Variants in NRBF2 observed in about 807,000 individuals in gnomAD.
NRBF2 encodes nuclear receptor-binding factor 2.
A neutral mutation model predicts 28.5 loss-of-function variants in NRBF2; 12 were observed. The observed-to-expected ratio is 0.42, with a 90% CI of 0.27 to 0.68. The LOEUF (loss-of-function observed/expected upper bound fraction) is 0.68. Ranked by LOEUF, NRBF2 falls within the 30% of genes least tolerant of loss-of-function variation. The probability of loss-of-function intolerance (pLI) is 0.24; values close to 1 mark genes in which losing one functional copy is unlikely to be tolerated. For missense variants in NRBF2, 274 were observed against 333.5 expected (o/e 0.82, Z 1.39); for synonymous variants, 102 against 116.5 (o/e 0.88, Z 0.80).
intron 2 of NRBF2, among the ~76,000 whole-genome samples, chr10:63,148,054 T>C (rs550891871): frequency 2.0e-5 from 3 of 152,230 alleles, no homozygotes; most frequent in Non-Finnish European, 4.4e-5. Context: ...CAATACCTTA[T>C]GTAACCCAAA....
intron 1 of NRBF2, among the ~76,000 whole-genome samples, chr10:63,139,215 G>A (rs1239205350): frequency 6.6e-6 from 1 of 152,078 alleles, no homozygotes; most frequent in African/African-American, 2.4e-5. Flanking sequence ...TCTCCACGTT[G>A]GTCTGGCTGG....
intron 3 of NRBF2, among the ~76,000 whole-genome samples, chr10:63,153,017 T>G (rs1219612122): frequency 6.6e-6 from 1 of 152,164 alleles, no homozygotes; most frequent in Non-Finnish European, 1.5e-5. Flanking sequence ...TAAAATATCT[T>G]TTTAAAAACT....
chr10:63,135,930 C>T (rs1445565092), intron 1 of NRBF2, among the ~76,000 whole-genome samples: 1 of 152,210 alleles, frequency 6.6e-6, no homozygotes, highest in African/African-American at 2.4e-5. Context: ...AGGCGTGAGC[C>T]AGCGTGCCCG....
At chr10:63,150,729 A>G (rs1320433361) in intron 2 of NRBF2, among the ~76,000 whole-genome samples, 3 of 152,254 alleles carry the variant, frequency 2.0e-5, no homozygotes, top group Non-Finnish European at 4.4e-5. Flanking sequence ...AAATAATTAT[A>G]CAACTCAACA....
chr10:63,150,413 T>G (rs1841630113), intron 2 of NRBF2: 7 of 943,130 alleles, frequency 7.4e-6, no homozygotes, highest in Non-Finnish European at 8.8e-6. Flanking sequence ...TTTCCTTTTT[T>G]TTTTTTAAAT....
At chr10:63,143,442 C>CAGCT (rs1841505579) in intron 1 of NRBF2, among the ~76,000 whole-genome samples, 1 of 152,124 alleles carries the variant, frequency 6.6e-6, no homozygotes, top group African/African-American at 2.4e-5. Flanking sequence ...AATCATTTTT[C>CAGCT]AGCTAACTGA....
At chr10:63,152,935 G>A (rs1436844684) in intron 3 of NRBF2, among the ~76,000 whole-genome samples, 2 of 152,250 alleles carry the variant, frequency 1.3e-5, no homozygotes, top group Non-Finnish European at 2.9e-5. Context: ...GTCCAAGGCT[G>A]CAGTGAGCTA....
intron 1 of NRBF2, among the ~76,000 whole-genome samples, chr10:63,142,898 A>G (rs1226729373): frequency 6.9e-6 from 1 of 144,300 alleles, no homozygotes; most frequent in Non-Finnish European, 1.5e-5. Flanking sequence ...CTTGTACCTC[A>G]GCCACCTGAG....
chr10:63,154,066 A>G lies in NRBF2; in HGVS notation c.712A>G (p.Thr238Ala). 6.2e-7 allele frequency: 1 copy of G among 1,613,598 alleles called. No individual in the cohort carries two copies. The highest frequency in any genetic ancestry group is 8.5e-7 in the Non-Finnish European group (1 of 1,179,862). The change falls in exon 4 of 4, where the codon ACA (threonine) becomes GCA (alanine). Residue 238 changes from threonine to alanine, a missense_variant. Coordinates refer to ENST00000277746, the MANE Select transcript of NRBF2 (RefSeq NM_030759.5). ...CTTGCCACCACATGCAGAAACTGCTACAGCCTCCTCAACCTGGCAGAAGTT... is the reference window on the plus strand; with the variant it reads ...CTTGCCACCACATGCAGAAACTGCTGCAGCCTCCTCAACCTGGCAGAAGTT... ...WSLPPHAETA[T>A]ASSTWQKFAA...
rs2292308 is a variant in NRBF2 at position 63,151,846 on chromosome 10, T to C, written c.116-304T>C. 4.9e-4 allele frequency among the ~76,000 whole-genome samples: 75 copies of C among 152,282 alleles called. No individual in the cohort carries two copies. The East Asian group carries it at 0.013, about 26-fold the overall frequency. ...GATGAGTAATAGGGTTTGGATAGGT[T>C]CTTGTTTGATTTTTATCTTTCCTAA... On this transcript the variant is annotated intron_variant, in intron 2 of 3. Coordinates refer to ENST00000277746, the MANE Select transcript of NRBF2 (RefSeq NM_030759.5).
intron 2 of NRBF2, among the ~76,000 whole-genome samples, chr10:63,151,094 T>A (rs1043414042): frequency 6.6e-6 from 1 of 152,194 alleles, no homozygotes; most frequent in Non-Finnish European, 1.5e-5. Flanking sequence ...CTGATATAAT[T>A]GTATCTTAAA....
At chr10:63,148,446 G>T (rs963608272) in intron 2 of NRBF2, among the ~76,000 whole-genome samples, 1 of 152,130 alleles carries the variant, frequency 6.6e-6, no homozygotes, top group African/African-American at 2.4e-5. Flanking sequence ...GTATGGGTTA[G>T]GTGTATTCTG....
intron 1 of NRBF2, among the ~76,000 whole-genome samples, chr10:63,137,980 C>T (rs1841400470): frequency 6.6e-6 from 1 of 152,040 alleles, no homozygotes; most frequent in African/African-American, 2.4e-5. Flanking sequence ...AGATATTCCC[C>T]CTATTTTAAA....
Position 63,154,709 on chromosome 10 carries a change from G to C in NRBF2, c.*491G>C, listed in dbSNP as rs1388170337. Reference sequence around the variant, plus strand: ...CATTCTGTTTGTTTAAGGTGTGTAAGATACACACCCTTCTAGATGAAACTA... The same window carrying C: ...CATTCTGTTTGTTTAAGGTGTGTAACATACACACCCTTCTAGATGAAACTA... On this transcript the variant is annotated 3_prime_UTR_variant, in exon 4 of 4. Coordinates refer to ENST00000277746, the MANE Select transcript of NRBF2 (RefSeq NM_030759.5). The C allele has an allele frequency of 2.0e-5, 3 of 153,774 alleles. No individual in the cohort carries two copies. The highest frequency in any genetic ancestry group is 4.4e-5 in the Non-Finnish European group (3 of 68,900). 9.5% of individuals were successfully genotyped at this position (153,774 alleles called of 1,614,324 possible).
intron 2 of NRBF2, among the ~76,000 whole-genome samples, chr10:63,148,247 A>G (rs1382637586): frequency 2.0e-5 from 3 of 152,224 alleles, no homozygotes; most frequent in African/African-American, 7.2e-5. Flanking sequence ...CTCCAGAAAA[A>G]TACGGCAAAC....
At chr10:63,138,760 T>C (rs1193386779) in intron 1 of NRBF2, among the ~76,000 whole-genome samples, 1 of 150,932 alleles carries the variant, frequency 6.6e-6, no homozygotes, top group Non-Finnish European at 1.5e-5. Flanking sequence ...AAAAAAAAAG[T>C]CTTTCCTGGA....
At chr10:63,141,035 G>A (rs546050800) in intron 1 of NRBF2, among the ~76,000 whole-genome samples, 2 of 152,294 alleles carry the variant, frequency 1.3e-5, no homozygotes, top group African/African-American at 4.8e-5. Flanking sequence ...ATTCTACCAA[G>A]AACAGTATTT....
chr10:63,153,481 T>C, intron 3 of NRBF2, 30 bp from the exon 4 acceptor site: 10 of 1,511,708 alleles, frequency 6.6e-6, no homozygotes, highest in Non-Finnish European at 9.0e-6. Context: ...AAAATATTCT[T>C]CCAATTTTAT....
intron 2 of NRBF2, among the ~76,000 whole-genome samples, chr10:63,149,639 T>C (rs761525214): frequency 1.3e-5 from 2 of 152,218 alleles, no homozygotes; most frequent in South Asian, 2.1e-4. Context: ...GCCCCACTTA[T>C]AAGATTTAAA....
Sources: allele counts gnomAD v4.1 joint callset (sites outside exome capture counted in the v4.1 genomes callset), GRCh38; gene constraint gnomAD v4.1.1; transcripts MANE v1.5; gene names NCBI Gene and HGNC (gene_info 2026-07-23, HGNC 2026-07-21).